PBX3: variants seen among roughly 807,000 people sequenced by gnomAD.
PBX3 encodes pre-B-cell leukemia transcription factor 3.
PBX3 carries 14 observed loss-of-function variants against 48.5 expected under a neutral mutation model. That is an observed-to-expected ratio of 0.29 (90% CI 0.19 to 0.45). The LOEUF is 0.45. Among genes scored for constraint, PBX3 ranks in the 20% least tolerant of loss-of-function variants. The probability of loss-of-function intolerance (pLI) is 1.00; values close to 1 mark genes in which losing one functional copy is unlikely to be tolerated. For missense variants in PBX3, 386 were observed against 546.7 expected (o/e 0.71, Z 2.93); for synonymous variants, 210 against 200.3 (o/e 1.05, Z -0.41).
chr9:125,904,354 C>T (rs1200308061), intron 2 of PBX3, among the ~76,000 whole-genome samples: 1 of 151,860 alleles, frequency 6.6e-6, no homozygotes, highest in Non-Finnish European at 1.5e-5. Context: ...GAAGGATATT[C>T]TGACCAGGAT....
At chr9:125,882,400 T>C (rs544280315) in intron 2 of PBX3, among the ~76,000 whole-genome samples, 61 of 152,358 alleles carry the variant, frequency 4.0e-4, no homozygotes, top group African/African-American at 1.2e-3. Context: ...CTCTCATTAC[T>C]TGAGACGGCA....
chr9:125,806,014 C>T (rs1224679176), intron 2 of PBX3, among the ~76,000 whole-genome samples: 1 of 152,088 alleles, frequency 6.6e-6, no homozygotes, highest in Non-Finnish European at 1.5e-5. Flanking sequence ...GTATCCATCT[C>T]TATATCTGTG....
intron 2 of PBX3, among the ~76,000 whole-genome samples, chr9:125,840,643 A>C (rs369034986): frequency 6.6e-6 from 1 of 151,924 alleles, no homozygotes; most frequent in Non-Finnish European, 1.5e-5. Context: ...CTAGTATTCT[A>C]TATCTTTCTA....
chr9:125,874,535 A>G (rs1840203606), intron 2 of PBX3, among the ~76,000 whole-genome samples: 1 of 152,198 alleles, frequency 6.6e-6, no homozygotes, highest in South Asian at 2.1e-4. Flanking sequence ...ACATTAGTAA[A>G]GATAGAAGAC....
At chr9:125,827,626 C>T (rs1257626685) in intron 2 of PBX3, among the ~76,000 whole-genome samples, 1 of 152,088 alleles carries the variant, frequency 6.6e-6, no homozygotes, top group Non-Finnish European at 1.5e-5. Context: ...CACCAGTTTT[C>T]AACATGTACT....
At chr9:125,889,452 G>A (rs1840582412) in intron 2 of PBX3, among the ~76,000 whole-genome samples, 1 of 152,198 alleles carries the variant, frequency 6.6e-6, no homozygotes, top group Non-Finnish European at 1.5e-5. Flanking sequence ...GATAAATAAT[G>A]GATGTATGGG....
chr9:125,848,652 A>G (rs1839495339), intron 2 of PBX3, among the ~76,000 whole-genome samples: 1 of 152,018 alleles, frequency 6.6e-6, no homozygotes, highest in African/African-American at 2.4e-5. Flanking sequence ...TGGGATCAGA[A>G]ATTAAGTTTA....
chr9:125,868,518 G>A (rs778394999), intron 2 of PBX3, among the ~76,000 whole-genome samples: 40 of 152,222 alleles, frequency 2.6e-4, no homozygotes, highest in Non-Finnish European at 5.1e-4. Context: ...AAAGGACAGA[G>A]AGTGATTCCA....
At chr9:125,781,516 GAGGGAGAGGGTGACCGAGAGGGAGA>G (rs1166860606) in intron 2 of PBX3, among the ~76,000 whole-genome samples, 2 of 148,680 alleles carry the variant, frequency 1.3e-5, no homozygotes, top group African/African-American at 5.0e-5. Flanking sequence ...CATGGAAAGA[GAGGGAGAGGGTGACCGAGAGGGAGA>G]GGGGAGAGGG....
At chr9:125,860,248 G>A (rs547302524) in intron 2 of PBX3, among the ~76,000 whole-genome samples, 43 of 152,332 alleles carry the variant, frequency 2.8e-4, no homozygotes, top group Non-Finnish European at 5.7e-4. Flanking sequence ...AGCATTTAAA[G>A]GATATGGCTT....
intron 5 of PBX3, among the ~76,000 whole-genome samples, chr9:125,952,819 T>C (rs1009291022): frequency 6.6e-6 from 1 of 152,184 alleles, no homozygotes; most frequent in Non-Finnish European, 1.5e-5. Flanking sequence ...AAAATCCTAA[T>C]GCTTGCTGAT....
chr9:125,838,448 C>A (rs906940044), intron 2 of PBX3, among the ~76,000 whole-genome samples: 4 of 152,220 alleles, frequency 2.6e-5, no homozygotes, highest in African/African-American at 9.6e-5. Context: ...CTACAAACTG[C>A]TTTCCATTTG....
intron 2 of PBX3, among the ~76,000 whole-genome samples, chr9:125,867,729 T>G (rs1840019770): frequency 6.6e-6 from 1 of 150,424 alleles, no homozygotes; most frequent in Non-Finnish European, 1.5e-5. Context: ...CAATGATGAT[T>G]GTCTTTCTGT....
At position 125,963,017 on chromosome 9, in the gene PBX3, T is replaced by C; in HGVS notation, c.1128T>C (p.Asp376=). 7 of 1,596,410 alleles carry C rather than the reference T, an allele frequency of 4.4e-6. No individual in the cohort carries two copies. The highest frequency in any genetic ancestry group is 6.0e-6 in the Non-Finnish European group (7 of 1,165,340). The part of the protein sequence containing the change: ...QVGANVQSQV[D]TLRHVINQTG... ...TTGTTTTGTCTCACTTCTAGGTGGA[T>C]ACCCTCCGTCATGTTATCAATCAGA... is the stretch of plus-strand genomic sequence containing the variant. The change falls in exon 8 of 9, where the codon GAT becomes GAC. Residue 376 remains aspartate (D), a synonymous_variant. Coordinates refer to ENST00000373489, the MANE Select transcript of PBX3 (RefSeq NM_006195.6).
intron 2 of PBX3, among the ~76,000 whole-genome samples, chr9:125,848,950 AAC>A (rs1375608850): frequency 6.6e-6 from 1 of 152,022 alleles, no homozygotes; most frequent in African/African-American, 2.4e-5. Context: ...AAAGAACAGA[AAC>A]ACTTATTGAA....
chr9:125,807,294 C>T (rs1838152981), intron 2 of PBX3, among the ~76,000 whole-genome samples: 1 of 151,788 alleles, frequency 6.6e-6, no homozygotes, highest in Admixed American at 6.6e-5. Flanking sequence ...GATTGCACCA[C>T]TGCATTCCAC....
intron 2 of PBX3, among the ~76,000 whole-genome samples, chr9:125,815,734 G>C (rs888222234): frequency 3.3e-5 from 5 of 151,712 alleles, no homozygotes; most frequent in Admixed American, 2.6e-4. Flanking sequence ...TGTGAGGAGG[G>C]ACCAAATTTC....
At chr9:125,948,753 C>G (rs1842124216) in intron 5 of PBX3, among the ~76,000 whole-genome samples, 1 of 151,130 alleles carries the variant, frequency 6.6e-6, no homozygotes, top group African/African-American at 2.4e-5. Context: ...CACAGTAAGT[C>G]CATTTCTAAG....
chr9:125,786,937 C>A (rs923221195), intron 2 of PBX3, among the ~76,000 whole-genome samples: 29 of 151,942 alleles, frequency 1.9e-4, no homozygotes, highest in Non-Finnish European at 2.9e-5. Flanking sequence ...GTTGGCCAGG[C>A]TGGTCTCGAA....
Sources: allele counts gnomAD v4.1 joint callset (sites outside exome capture counted in the v4.1 genomes callset), GRCh38; gene constraint gnomAD v4.1.1; transcripts MANE v1.5; gene names NCBI Gene and HGNC (gene_info 2026-07-23, HGNC 2026-07-21).